The following CEP162 variants were observed in gnomAD, a reference collection of about 807,000 sequenced individuals.
The protein encoded by CEP162 is centrosomal protein 162, also known as centrosomal protein of 162 kDa.
Under a neutral mutation model 169.2 loss-of-function variants are expected in CEP162, and 141 were observed. The observed-to-expected ratio is 0.83, with a 90% CI of 0.73 to 0.96. The LOEUF is 0.96. Among genes scored for constraint, CEP162 ranks in the 40% least tolerant of loss-of-function variants. CEP162 has a pLI of 0.00. For synonymous variants in CEP162, 540 were observed against 526.4 expected (o/e 1.03, Z -0.35); for missense variants, 1,600 against 1,587.2 (o/e 1.01, Z -0.14).
At chr6:84,169,274 G>A (rs1227450752) in intron 18 of CEP162, 54 bp downstream of exon 18, 2 of 960,318 alleles carry the variant, frequency 2.1e-6, no homozygotes, top group African/African-American at 1.7e-5. Flanking sequence ...TAAAAATGGG[G>A]ATTTTTATAA....
chr6:84,215,134 C>T, intron 5 of CEP162, 148 bp downstream of exon 5: 1 of 456,286 alleles, frequency 2.2e-6, no homozygotes, highest in Non-Finnish European at 3.7e-6. Flanking sequence ...AAGAAAAACC[C>T]TAACTATAAA....
chr6:84,218,747 T>C (rs1381151279), intron 3 of CEP162, among the ~76,000 whole-genome samples: 4 of 152,206 alleles, frequency 2.6e-5, no homozygotes, highest in Non-Finnish European at 5.9e-5. Flanking sequence ...CTGTGAATAA[T>C]GGTTTTACTG....
At chr6:84,142,132 C>A (rs936600717) in intron 25 of CEP162, among the ~76,000 whole-genome samples, 1 of 152,170 alleles carries the variant, frequency 6.6e-6, no homozygotes, top group Non-Finnish European at 1.5e-5. Context: ...GCTATAAAAA[C>A]TCCTTTACCC....
In CEP162 at chr6:84,220,463, G is replaced by A. The variant is rs554271252; in HGVS notation, c.172+594C>T. On this transcript the variant is annotated intron_variant, in intron 3 of 26. Transcript: ENST00000403245. ...ACAGTGAGAGACCCTATCTCTACAA[G>A]AAATAAAAAAAATTAGCCAGGCATG... Among the ~76,000 whole-genome samples the A allele has an allele frequency of 4.6e-5, 7 of 152,062 alleles. No individual in the cohort carries two copies. In the East Asian group the frequency reaches 1.4e-3, roughly 30 times the overall value.
intron 13 of CEP162, among the ~76,000 whole-genome samples, chr6:84,182,851 G>A (rs1021164466): frequency 3.9e-5 from 6 of 152,140 alleles, no homozygotes; most frequent in African/African-American, 1.2e-4. Flanking sequence ...AGTTCCGGTA[G>A]TTGGGCTTTT....
intron 25 of CEP162, among the ~76,000 whole-genome samples, chr6:84,127,080 T>C (rs2099509239): frequency 6.6e-6 from 1 of 152,142 alleles, no homozygotes; most frequent in Admixed American, 6.6e-5. Context: ...TCTTAGGACC[T>C]GGGGATCCAG....
At chr6:84,204,191 A>T in intron 6 of CEP162, 95 bp from the exon 7 acceptor site, 2 of 671,008 alleles carry the variant, frequency 3.0e-6, no homozygotes, top group Non-Finnish European at 2.5e-6. Context: ...AGAAGTCTGT[A>T]TAAGAATAGT....
At chr6:84,132,487 A>G (rs1304698936) in intron 25 of CEP162, among the ~76,000 whole-genome samples, 1 of 152,156 alleles carries the variant, frequency 6.6e-6, no homozygotes, top group Non-Finnish European at 1.5e-5. Flanking sequence ...CACCAATCAG[A>G]CATAGATTTG....
Position 84,215,457 on chromosome 6 carries a change from C to T in CEP162, c.328G>A (p.Val110Ile), listed in dbSNP as rs2099551183. 6.4e-7 allele frequency: 1 copy of T among 1,573,812 alleles called. No individual in the cohort carries two copies. Among genetic ancestry groups the T allele is most frequent in the South Asian group, 1.2e-5 (1 of 81,458 alleles). Residue 110 changes from valine to isoleucine, a missense_variant, in exon 5 of 27, where the codon GTT (valine) becomes ATT (isoleucine). Physicochemically the swap from Val to Ile is conservative, Grantham distance 29 (BLOSUM62 3). Coordinates refer to ENST00000403245, the MANE Select transcript of CEP162 (RefSeq NM_014895.4). Reference protein sequence around the residue: ...TDSLETNELVVSELNHSSLGV... With the variant: ...TDSLETNELVISELNHSSLGV... Reference sequence around the variant, plus strand: ...AGACTACTATGGTTGAGCTCAGAAACTACTAGTTCTAAATGGAAAGCACAA... The same window carrying T: ...AGACTACTATGGTTGAGCTCAGAAATTACTAGTTCTAAATGGAAAGCACAA...
At chr6:84,204,118 A>T (rs750749706) in intron 6 of CEP162, 22 bp from the exon 7 acceptor site, 6 of 1,432,138 alleles carry the variant, frequency 4.2e-6, no homozygotes, top group Non-Finnish European at 4.8e-6. Context: ...AATTTTTAAA[A>T]GTACAAAGAC....
intron 22 of CEP162, among the ~76,000 whole-genome samples, chr6:84,153,500 C>T (rs966966140): frequency 1.3e-5 from 2 of 152,118 alleles, no homozygotes; most frequent in African/African-American, 4.8e-5. Context: ...CAGTCTTCTC[C>T]ATGCAAACTG....
intron 4 of CEP162, 73 bp from the exon 5 acceptor site, chr6:84,215,538 T>C (rs1306530710): frequency 2.4e-6 from 3 of 1,275,494 alleles, no homozygotes; most frequent in Non-Finnish European, 3.2e-6. Context: ...GATGCATTTA[T>C]TGACATTATG....
chr6:84,192,098 A>G (rs1288347310), intron 11 of CEP162, among the ~76,000 whole-genome samples: 1 of 152,198 alleles, frequency 6.6e-6, no homozygotes, highest in East Asian at 1.9e-4. Context: ...ATCCAACCCC[A>G]CTGACCCACA....
rs375824545 is a variant in CEP162 at position 84,191,394 on chromosome 6, C to T, written c.1109+2215G>A. ...AGCCCCTTCTTAATAGAATAATAACCTAATCAAGGAAAATAAACCCCTATT... is the reference window on the plus strand; with the variant it reads ...AGCCCCTTCTTAATAGAATAATAACTTAATCAAGGAAAATAAACCCCTATT... On this transcript the variant is annotated intron_variant, in intron 11 of 26. Coordinates refer to ENST00000403245, the MANE Select transcript of CEP162 (RefSeq NM_014895.4). 3.9e-5 allele frequency among the ~76,000 whole-genome samples: 6 copies of T among 152,266 alleles called. No homozygotes were observed. The East Asian group carries it at 7.7e-4, about 20-fold the overall frequency.
At chr6:84,181,891 T>C (rs771560844) in intron 13 of CEP162, among the ~76,000 whole-genome samples, 1 of 152,128 alleles carries the variant, frequency 6.6e-6, no homozygotes, top group African/African-American at 2.4e-5. Context: ...AATCGATTGG[T>C]AATGTCTAAA....
rs77826474 is a variant in CEP162, at chr6:84,192,579, G to A, written c.1109+1030C>T. ...CAACTCACACAAATGTAGAAACAAG[G>A]CCAGGAGATCACCACATGTGGATTT... On this transcript the variant is annotated intron_variant, in intron 11 of 26. Coordinates refer to ENST00000403245, the MANE Select transcript of CEP162 (RefSeq NM_014895.4). Among the ~76,000 whole-genome samples the A allele has an allele frequency of 5.6e-3, 853 of 152,300 alleles. 7 individuals are homozygous for A. Among genetic ancestry groups the A allele is most frequent in the Middle Eastern group, 0.017 (5 of 294 alleles).
chr6:84,215,632 T>C, intron 4 of CEP162, 144 bp downstream of exon 4: 1 of 1,226,788 alleles, frequency 8.2e-7, no homozygotes. Context: ...GTTTAAAGCT[T>C]CTCTAGAATA....
At chr6:84,166,288 G>C (rs1013366577) in intron 18 of CEP162, among the ~76,000 whole-genome samples, 1 of 152,062 alleles carries the variant, frequency 6.6e-6, no homozygotes, top group Non-Finnish European at 1.5e-5. Flanking sequence ...AACAAACTCC[G>C]GGCTTTTGCA....
chr6:84,174,826 TTCTGAGAA>T lies in CEP162; in HGVS notation c.1918_1925del (p.Phe640LysfsTer8), dbSNP rs750658726. On this transcript the variant is annotated frameshift_variant, in exon 15 of 27. Transcript: ENST00000403245. LOFTEE classifies it high-confidence loss of function. Reference sequence around the variant, plus strand: ...ACTTATTTTCTAGTTCTTTCTCCTTTTCTGAGAATGTGGCTTTAATTTGCTCAATTAGG... The same window carrying T: ...ACTTATTTTCTAGTTCTTTCTCCTTTTGTGGCTTTAATTTGCTCAATTAGG... 26 of 1,602,630 alleles carry T rather than the reference TTCTGAGAA, an allele frequency of 1.6e-5. No homozygotes were observed. Among genetic ancestry groups the T allele is most frequent in the Non-Finnish European group, 2.0e-5 (24 of 1,172,258 alleles).
Sources: allele counts gnomAD v4.1 joint callset (sites outside exome capture counted in the v4.1 genomes callset), GRCh38; gene constraint gnomAD v4.1.1; transcripts MANE v1.5; gene names NCBI Gene and HGNC (gene_info 2026-07-23, HGNC 2026-07-21).